Variants in ST18 observed in about 807,000 individuals in gnomAD.
ST18 encodes the protein suppression of tumorigenicity 18 protein.
ST18 carries 50 observed loss-of-function variants against 110.0 expected under a neutral mutation model. The observed-to-expected ratio is 0.45, with a 90% CI of 0.36 to 0.58. The LOEUF is 0.58. Ranked by LOEUF, ST18 falls within the 20% of genes least tolerant of loss-of-function variation. The pLI is 0.00. For synonymous variants in ST18, 461 were observed against 452.4 expected (o/e 1.02, Z -0.24); for missense variants, 1,306 against 1,280.1 (o/e 1.02, Z -0.31).
intron 19 of ST18, 23 bp from the exon 20 acceptor site, chr8:52,133,324 A>T (rs764358166): frequency 4.3e-6 from 7 of 1,614,068 alleles, no homozygotes; most frequent in Non-Finnish European, 4.2e-6. Flanking sequence ...GGAAGAGAGC[A>T]TGGGCTGAGA....
At chr8:52,257,584 T>C (rs2094564550) in intron 2 of ST18, among the ~76,000 whole-genome samples, 1 of 152,218 alleles carries the variant, frequency 6.6e-6, no homozygotes, top group Admixed American at 6.5e-5. Context: ...TATATCTTTT[T>C]TGGAGAACTG....
intron 2 of ST18, among the ~76,000 whole-genome samples, chr8:52,322,919 C>T (rs1274144732): frequency 5.3e-5 from 8 of 152,190 alleles, no homozygotes; most frequent in African/African-American, 1.9e-4. Flanking sequence ...CATCCACTAT[C>T]ACCACCAAAG....
At chr8:52,356,331 A>C (rs1244076897) in intron 2 of ST18, among the ~76,000 whole-genome samples, 2 of 152,192 alleles carry the variant, frequency 1.3e-5, no homozygotes, top group East Asian at 3.8e-4. Context: ...CCAAGTGTTT[A>C]AGAAAACTCT....
intron 22 of ST18, among the ~76,000 whole-genome samples, chr8:52,129,740 C>T (rs1408593073): frequency 1.3e-5 from 2 of 152,110 alleles, no homozygotes; most frequent in African/African-American, 4.8e-5. Context: ...TGCTTCCCAT[C>T]TCCTAGAAAA....
At chr8:52,367,840 C>G (rs1828744502) in intron 2 of ST18, among the ~76,000 whole-genome samples, 1 of 152,182 alleles carries the variant, frequency 6.6e-6, no homozygotes, top group African/African-American at 2.4e-5. Context: ...ACTCCAACCT[C>G]AACTAAGAAC....
intron 16 of ST18, among the ~76,000 whole-genome samples, chr8:52,148,550 CTG>C (rs1204788895): frequency 6.6e-6 from 1 of 152,154 alleles, no homozygotes; most frequent in Admixed American, 6.5e-5. Context: ...ACATGCATGA[CTG>C]TGGCACACAA....
At chr8:52,208,687 G>C (rs943835669) in intron 8 of ST18, among the ~76,000 whole-genome samples, 5 of 152,178 alleles carry the variant, frequency 3.3e-5, no homozygotes, top group Non-Finnish European at 7.4e-5. Context: ...TTAGCCGGGC[G>C]TGGTGGTGCA....
chr8:52,384,118 G>A (rs180999422), intron 2 of ST18, among the ~76,000 whole-genome samples: 70 of 152,338 alleles, frequency 4.6e-4, no homozygotes, highest in Non-Finnish European at 6.2e-4. Flanking sequence ...AATTAGAGTT[G>A]AGATTTTGGA....
chr8:52,265,126 T>C (rs1488549578), intron 2 of ST18, among the ~76,000 whole-genome samples: 1 of 152,194 alleles, frequency 6.6e-6, no homozygotes, highest in Non-Finnish European at 1.5e-5. Context: ...AGATGATGTT[T>C]GTTACCTGAA....
intron 2 of ST18, among the ~76,000 whole-genome samples, chr8:52,360,345 A>C (rs190929511): frequency 9.2e-5 from 14 of 152,218 alleles, no homozygotes; most frequent in African/African-American, 2.9e-4. Flanking sequence ...ATTTTAAATA[A>C]ATGCTTTATT....
At chr8:52,288,017 A>G (rs1336916526) in intron 2 of ST18, among the ~76,000 whole-genome samples, 1 of 152,214 alleles carries the variant, frequency 6.6e-6, no homozygotes, top group Non-Finnish European at 1.5e-5. Flanking sequence ...TGAGCATGTT[A>G]TGTGCATCCT....
intron 17 of ST18, among the ~76,000 whole-genome samples, chr8:52,139,343 T>TAC (rs1491467173): frequency 7.3e-5 from 10 of 137,040 alleles, no homozygotes; most frequent in Non-Finnish European, 1.2e-4. Flanking sequence ...TATATATATA[T>TAC]ACACACAATT....
At chr8:52,391,477 C>T (rs1839312205) in intron 2 of ST18, among the ~76,000 whole-genome samples, 1 of 152,316 alleles carries the variant, frequency 6.6e-6, no homozygotes, top group South Asian at 2.1e-4. Context: ...CTCACAAAGA[C>T]ATTGCCATCA....
At chr8:52,319,489 AAT>A (rs1370227665) in intron 2 of ST18, among the ~76,000 whole-genome samples, 1 of 152,142 alleles carries the variant, frequency 6.6e-6, no homozygotes, top group Non-Finnish European at 1.5e-5. Context: ...ATGCATCTAT[AAT>A]ATGTTTCTCT....
chr8:52,342,808 T>C lies in ST18; in HGVS notation c.-465+66520A>G, dbSNP rs538190337. Reference sequence around the variant, plus strand: ...ATTGACTGTTGCTCTCCTGAGAACATTTTATAAAATCCCGAGACAAGATAT... The same window carrying C: ...ATTGACTGTTGCTCTCCTGAGAACACTTTATAAAATCCCGAGACAAGATAT... On this transcript the variant is annotated intron_variant, in intron 2 of 25. Coordinates refer to ENST00000689386, the MANE Select transcript of ST18 (RefSeq NM_001352837.2). Among the ~76,000 whole-genome samples, 14 of 152,298 alleles carry C rather than the reference T, an allele frequency of 9.2e-5. No homozygotes were observed. The South Asian group carries it at 2.9e-3, about 32-fold the overall frequency.
intron 8 of ST18, among the ~76,000 whole-genome samples, chr8:52,181,714 T>C (rs945223818): frequency 2.6e-5 from 4 of 152,020 alleles, no homozygotes; most frequent in Admixed American, 2.6e-4. Context: ...AACACCACCA[T>C]GATAAGAAGA....
intron 8 of ST18, among the ~76,000 whole-genome samples, chr8:52,187,737 TGA>T (rs1384436957): frequency 1.3e-5 from 2 of 152,354 alleles, no homozygotes; most frequent in South Asian, 4.1e-4. Context: ...GCTTTTTGGT[TGA>T]GAGTTTGTCT....
intron 2 of ST18, among the ~76,000 whole-genome samples, chr8:52,367,498 G>A (rs965202762): frequency 5.3e-5 from 8 of 152,106 alleles, no homozygotes; most frequent in African/African-American, 1.9e-4. Context: ...ATCACTACCA[G>A]ATCAAAGTGT....
intron 2 of ST18, among the ~76,000 whole-genome samples, chr8:52,231,900 C>G (rs2091491428): frequency 6.6e-6 from 1 of 152,184 alleles, no homozygotes; most frequent in Non-Finnish European, 1.5e-5. Flanking sequence ...TCTGGAACAT[C>G]AGTGACATCA....
Sources: gnomAD v4.1 joint callset for allele counts (sites outside exome capture counted in the v4.1 genomes callset) on GRCh38, gnomAD v4.1.1 for gene constraint, MANE v1.5 for transcripts, NCBI Gene and HGNC (gene_info 2026-07-23, HGNC 2026-07-21) for gene names.